BZW1: variants seen among roughly 807,000 people sequenced by gnomAD.
BZW1 encodes basic leucine zipper and W2 domains 1, also known as eIF5-mimic protein 2.
BZW1 carries 3 observed loss-of-function variants against 54.1 expected under a neutral mutation model. The observed-to-expected ratio is 0.06, with a 90% confidence interval of 0.03 to 0.14. BZW1 has a LOEUF of 0.14. BZW1 is among the 10% of genes least tolerant of loss of function. BZW1 has a pLI of 1.00. For missense variants in BZW1, 206 were observed against 491.7 expected, an observed-to-expected ratio of 0.42 and a Z score of 5.50; for synonymous variants, 152 against 162.7, an observed-to-expected ratio of 0.93 and a Z score of 0.50.
intron 11 of BZW1, 46 bp from the exon 12 acceptor site, chr2:200,822,101 T>C (rs1299396185): frequency 1.3e-6 from 2 of 1,541,210 alleles, no homozygotes; most frequent in African/African-American, 1.4e-5. Flanking sequence ...TGGGAACTTT[T>C]GCCTTCTGAT....
upstream of BZW1, chr2:200,811,884 T>G (rs2038075067): frequency 5.2e-6 from 1 of 192,044 alleles, no homozygotes; most frequent in Non-Finnish European, 1.1e-5. Flanking sequence ...CGGGCGGGGG[T>G]GGCACCTCTC....
rs2038598997 is a variant in BZW1 at position 200,823,496 on chromosome 2, A to T, written c.*1318A>T. The T allele has an allele frequency of 6.6e-6, 1 of 151,744 alleles. No homozygotes were observed. The highest frequency in any genetic ancestry group is 2.1e-4 in the South Asian group (1 of 4,774). 9.4% of individuals were successfully genotyped at this position (151,744 alleles called of 1,614,324 possible). On this transcript the variant is annotated 3_prime_UTR_variant, in exon 12 of 12. Transcript: ENST00000409600. ...AAAGTGAACATTTTGAAGGTTTTTA[A>T]CTGGTGAAACTAGCCTGGAATAATG... is the stretch of plus-strand genomic sequence containing the variant.
chr2:200,815,471 A>G lies in BZW1; in HGVS notation c.195A>G (p.Arg65=). The G allele has an allele frequency of 6.2e-7, 1 of 1,614,022 alleles. No homozygotes were observed. ...CTGGAGCAAAACTTGATTACCGTCG[A>G]TATGCAGAAACACTCTTTGACATTC... ...DASGAKLDYR[R]YAETLFDILV... Residue 65 remains arginine, a synonymous_variant, in exon 3 of 12, where the codon CGA becomes CGG. Transcript: ENST00000409600.
chr2:200,811,608 G>C (rs1247639369), upstream of BZW1: 2 of 152,204 alleles, frequency 1.3e-5, no homozygotes, highest in African/African-American at 4.8e-5. Flanking sequence ...GTCCAACTTC[G>C]AGACCGGCGG....
chr2:200,815,486 C>G lies in BZW1; in HGVS notation c.210C>G (p.Leu70=). The G allele has an allele frequency of 6.2e-7, 1 of 1,613,934 alleles. No individual in the cohort carries two copies. ...KLDYRRYAET[L]FDILVAGGML... ...ATTACCGTCGATATGCAGAAACACT[C>G]TTTGACATTCTGGTGGCTGGTGGAA... is the stretch of plus-strand genomic sequence containing the variant. The change falls in exon 3 of 12, where the codon CTC becomes CTG. Residue 70 remains leucine, a synonymous_variant. Coordinates refer to ENST00000409600, the MANE Select transcript of BZW1 (RefSeq NM_001207067.2).
chr2:200,820,483 C>T (rs983570941), intron 10 of BZW1, among the ~76,000 whole-genome samples: 2 of 151,990 alleles, frequency 1.3e-5, no homozygotes, highest in Admixed American at 6.6e-5. Flanking sequence ...AGTTCAAGAC[C>T]GGCCTGGACT....
chr2:200,814,849 C>T (rs887193752), intron 2 of BZW1, among the ~76,000 whole-genome samples: 2 of 152,338 alleles, frequency 1.3e-5, no homozygotes, highest in Admixed American at 6.5e-5. Context: ...AGGTTGTTAA[C>T]AGGATTAAAG....
chr2:200,821,440 C>G (rs962685248), intron 11 of BZW1, 135 bp downstream of exon 11: 4 of 1,019,000 alleles, frequency 3.9e-6, no homozygotes, highest in African/African-American at 3.2e-5. Context: ...AGGCAGGTGG[C>G]GAAAGCTAGA....
chr2:200,813,971 G>A (rs374252245), intron 2 of BZW1, among the ~76,000 whole-genome samples: 4 of 152,230 alleles, frequency 2.6e-5, no homozygotes, highest in East Asian at 3.9e-4. Context: ...TATAAGTTGT[G>A]TTTTTCTTTT....
In BZW1 at chr2:200,818,682, G is replaced by T. The variant is rs373146152; in HGVS notation, c.820-73G>T. The T allele has an allele frequency of 1.5e-5, 23 of 1,488,820 alleles. No homozygotes were observed. The East Asian group carries it at 2.3e-4, about 15-fold the overall frequency. The allele number at this position is 1,488,820 out of a possible 1,614,324, so 92.2% of individuals were successfully genotyped here. ...AAGGAGTTGTTAGTTTTTGTTAAAG[G>T]TCTAAACTTGATGTGTGAAGTATGT... On this transcript the variant is annotated intron_variant, in intron 8 of 11. Coordinates refer to ENST00000409600, the MANE Select transcript of BZW1 (RefSeq NM_001207067.2).
At position 200,815,380 on chromosome 2, in the gene BZW1, G is replaced by T. The variant is rs754415074; in HGVS notation, c.104G>T (p.Cys35Phe). Residue 35 changes from cysteine (C) to phenylalanine (F), a missense_variant, in exon 3 of 12, where the codon TGT (cysteine) becomes TTT (phenylalanine). Cys to Phe is a radical substitution (Grantham distance 205, BLOSUM62 -2). Coordinates refer to ENST00000409600, the MANE Select transcript of BZW1 (RefSeq NM_001207067.2). ...ERFDPTQFQD[C>F]IIQGLTETGT... ...TTTGACCCTACTCAGTTTCAAGACT[G>T]TATTATTCAAGGCTTAACTGAAACC... 4 of 1,613,934 alleles carry T rather than the reference G, an allele frequency of 2.5e-6. No individual in the cohort carries two copies. The Admixed American group carries it at 6.7e-5, about 27-fold the overall frequency.
At position 200,811,956 on chromosome 2, in the gene BZW1, G is replaced by C. The variant is rs775964300; in HGVS notation, c.-45G>C. 8 of 315,232 alleles carry C rather than the reference G, an allele frequency of 2.5e-5. No individual in the cohort carries two copies. The highest frequency in any genetic ancestry group is 6.5e-5 in the African/African-American group (3 of 46,480). 19.5% of individuals were successfully genotyped at this position (315,232 alleles called of 1,614,324 possible). A position where few individuals can be genotyped will look rare whatever the true frequency, so the allele number is the denominator to read the frequency against. On this transcript the variant is annotated 5_prime_UTR_variant, in exon 1 of 12. Transcript: ENST00000409600. Reference sequence around the variant, plus strand: ...ACCGCCGCAGTTGCCGGTACATCGGGGATTTCTGGCTCTTTCCTCTTCGCC... The same window carrying C: ...ACCGCCGCAGTTGCCGGTACATCGGCGATTTCTGGCTCTTTCCTCTTCGCC...
chr2:200,817,382 T>A, intron 6 of BZW1, 141 bp downstream of exon 6: 1 of 1,117,294 alleles, frequency 9.0e-7, no homozygotes, highest in Non-Finnish European at 1.3e-6. Context: ...TCTAATTCAC[T>A]AGACATTTAA....
At position 200,822,266 on chromosome 2, in the gene BZW1, C is replaced by T. The variant is rs1439320626; in HGVS notation, c.*88C>T. 9.5e-5 allele frequency: 109 copies of T among 1,151,302 alleles called. No individual in the cohort carries two copies. Among genetic ancestry groups the T allele is most frequent in the Non-Finnish European group, 1.3e-4 (103 of 792,112 alleles). The allele number at this position is 1,151,302 out of a possible 1,614,324, so 71.3% of individuals were successfully genotyped here. On this transcript the variant is annotated 3_prime_UTR_variant, in exon 12 of 12. Transcript: ENST00000409600. ...TGTCCTGGTTCTTACATCTTCCTAC[C>T]TCCCTGTATCAAGCATGATATAAGG...
At chr2:200,817,069 T>C (rs1353557443) in intron 5 of BZW1, 37 bp from the exon 6 acceptor site, 2 of 1,603,868 alleles carry the variant, frequency 1.2e-6, no homozygotes, top group South Asian at 1.1e-5. Flanking sequence ...TGTAATGCAG[T>C]TGCTGTTTTA....
intron 2 of BZW1, among the ~76,000 whole-genome samples, chr2:200,813,798 G>A (rs1226780347): frequency 6.6e-6 from 1 of 152,008 alleles, no homozygotes; most frequent in Non-Finnish European, 1.5e-5. Flanking sequence ...GCATTAGTGT[G>A]TACTTAGGTG....
chr2:200,814,501 C>G (rs901245395), intron 2 of BZW1, among the ~76,000 whole-genome samples: 5 of 152,174 alleles, frequency 3.3e-5, no homozygotes, highest in African/African-American at 1.2e-4. Context: ...AAGCAAAACC[C>G]TATTATGAAG....
intron 1 of BZW1, chr2:200,812,760 G>A: frequency 1.4e-6 from 1 of 720,626 alleles, no homozygotes; most frequent in Non-Finnish European, 2.6e-6. Context: ...CCCGTAACCA[G>A]GCTTGTCAGA....
At position 200,826,028 on chromosome 2, in the gene BZW1, A is replaced by G. The variant is rs1219187076; in HGVS notation, c.*3850A>G. The stretch of plus-strand genomic sequence containing the variant: ...TATTCCCCAGCCTACTAAGGCCTAC[A>G]GGTTAAAATACCAGGAATAAAAAGG... On this transcript the variant is annotated 3_prime_UTR_variant, in exon 12 of 12. Coordinates refer to ENST00000409600, the MANE Select transcript of BZW1 (RefSeq NM_001207067.2). The G allele has an allele frequency of 6.6e-6, 1 of 152,202 alleles. No homozygotes were observed. Among genetic ancestry groups the G allele is most frequent in the Non-Finnish European group, 1.5e-5 (1 of 68,030 alleles). 9.4% of individuals were successfully genotyped at this position (152,202 alleles called of 1,614,324 possible).
Sources: gnomAD v4.1 joint callset for allele counts (sites outside exome capture counted in the v4.1 genomes callset) on GRCh38, gnomAD v4.1.1 for gene constraint, MANE v1.5 for transcripts, NCBI Gene and HGNC (gene_info 2026-07-23, HGNC 2026-07-21) for gene names.